PKN2: variants seen among roughly 807,000 people sequenced by gnomAD.
PKN2 encodes protein kinase N2.
A neutral mutation model predicts 119.1 loss-of-function variants in PKN2; 38 were observed. The observed-to-expected ratio is 0.32, with a 90% confidence interval of 0.25 to 0.42. The LOEUF (loss-of-function observed/expected upper bound fraction) is 0.42. PKN2 is among the 10% of genes least tolerant of loss of function. The pLI, the probability that PKN2 is intolerant of heterozygous loss-of-function variation, is 1.00. For missense variants in PKN2, 850 were observed against 1,165.1 expected (o/e 0.73, Z 3.94); for synonymous variants, 390 against 384.9 (o/e 1.01, Z -0.15).
At chr1:88,725,860 G>A (rs1195026027) in intron 1 of PKN2, among the ~76,000 whole-genome samples, 2 of 152,106 alleles carry the variant, frequency 1.3e-5, no homozygotes, top group Admixed American at 6.5e-5. Flanking sequence ...GGAAAACACA[G>A]ATTTTCTCAT....
At chr1:88,794,709 A>G (rs1304173330) in intron 8 of PKN2, among the ~76,000 whole-genome samples, 1 of 152,118 alleles carries the variant, frequency 6.6e-6, no homozygotes, top group Non-Finnish European at 1.5e-5. Flanking sequence ...TTTTATTATC[A>G]CAAAGCTAGA....
chr1:88,804,616 T>A, intron 9 of PKN2, 82 bp downstream of exon 9: 1 of 1,343,768 alleles, frequency 7.4e-7, no homozygotes, highest in Non-Finnish European at 1.1e-6. Flanking sequence ...GTAGAAAGAG[T>A]GTTAGGCTGA....
chr1:88,696,333 T>C (rs1218826829), intron 1 of PKN2, among the ~76,000 whole-genome samples: 1 of 152,190 alleles, frequency 6.6e-6, no homozygotes, highest in Non-Finnish European at 1.5e-5. Context: ...GCTATGGGGT[T>C]GTATCACTTA....
At chr1:88,786,344 T>C (rs1272464927) in intron 8 of PKN2, 131 bp downstream of exon 8, 2 of 544,388 alleles carry the variant, frequency 3.7e-6, no homozygotes, top group Non-Finnish European at 6.5e-6. Flanking sequence ...TTTTTTTACA[T>C]TTCTTATTCA....
intron 1 of PKN2, among the ~76,000 whole-genome samples, chr1:88,715,708 C>T (rs891952199): frequency 7.2e-5 from 11 of 152,036 alleles, no homozygotes; most frequent in African/African-American, 1.2e-4. Context: ...GTCTTGCTAG[C>T]GGTCCATCAA....
At chr1:88,790,550 A>C (rs1245322486) in intron 8 of PKN2, among the ~76,000 whole-genome samples, 3 of 152,154 alleles carry the variant, frequency 2.0e-5, no homozygotes, top group Non-Finnish European at 2.9e-5. Context: ...TTGATTTTTA[A>C]TATTTAATCA....
intron 1 of PKN2, among the ~76,000 whole-genome samples, chr1:88,706,510 T>C (rs552613842): frequency 2.0e-5 from 3 of 152,266 alleles, no homozygotes; most frequent in Admixed American, 6.5e-5. Context: ...TCCAGTACAA[T>C]GTAGAATAGA....
chr1:88,695,479 C>T (rs1253041471), intron 1 of PKN2, among the ~76,000 whole-genome samples: 1 of 151,920 alleles, frequency 6.6e-6, no homozygotes, highest in Non-Finnish European at 1.5e-5. Context: ...AAAGGTCATC[C>T]TTGTCTTAAC....
At chr1:88,831,728 C>T (rs1323331178) in intron 19 of PKN2, among the ~76,000 whole-genome samples, 1 of 151,984 alleles carries the variant, frequency 6.6e-6, no homozygotes, top group African/African-American at 2.4e-5. Context: ...GCAGCCAAAT[C>T]AAATCTAACG....
intron 19 of PKN2, among the ~76,000 whole-genome samples, chr1:88,829,943 A>C (rs1299904269): frequency 6.6e-6 from 1 of 152,192 alleles, no homozygotes; most frequent in Non-Finnish European, 1.5e-5. Context: ...TTGGTATGTC[A>C]ATTTGAAGTG....
intron 1 of PKN2, 117 bp downstream of exon 1, chr1:88,684,745 G>A (rs902514913): frequency 1.5e-4 from 122 of 823,706 alleles, no homozygotes; most frequent in Non-Finnish European, 2.0e-4. Flanking sequence ...CGCTAAGTGC[G>A]GAAACTCCGG....
rs146058385 is a variant in PKN2 at position 88,797,677 on chromosome 1, C to T, written c.1282-6714C>T. The stretch of plus-strand genomic sequence containing the variant: ...AGAGAGAGAATGTCTTCCTTACCTA[C>T]TCTCATCTCGCTCCACACAACTGAA... On this transcript the variant is annotated intron_variant, in intron 8 of 21. Coordinates refer to ENST00000370521, the MANE Select transcript of PKN2 (RefSeq NM_006256.4). Among the ~76,000 whole-genome samples, 90 of 151,864 alleles carry T rather than the reference C, an allele frequency of 5.9e-4. 1 individual carries two copies. Among genetic ancestry groups the T allele is most frequent in the African/African-American group, 1.9e-3 (80 of 41,426 alleles).
chr1:88,760,057 T>G (rs1669379190), intron 2 of PKN2, among the ~76,000 whole-genome samples, 165 bp from the exon 3 acceptor site: 1 of 152,004 alleles, frequency 6.6e-6, no homozygotes, highest in Admixed American at 6.6e-5. Context: ...TTTTTTTTTT[T>G]TTTGCATGAA....
At chr1:88,813,825 C>T in intron 16 of PKN2, 92 bp downstream of exon 16, 1 of 1,098,074 alleles carries the variant, frequency 9.1e-7, no homozygotes, top group East Asian at 2.7e-5. Context: ...GATTTTTTTT[C>T]CTAACAGAAA....
intron 3 of PKN2, among the ~76,000 whole-genome samples, chr1:88,765,819 A>G (rs777051027): frequency 2.6e-5 from 4 of 152,160 alleles, no homozygotes; most frequent in Admixed American, 6.5e-5. Flanking sequence ...TTTTGGAGAC[A>G]GGGTCTCACT....
chr1:88,820,329 G>T (rs963010881), intron 16 of PKN2, among the ~76,000 whole-genome samples: 9 of 149,324 alleles, frequency 6.0e-5, no homozygotes, highest in Non-Finnish European at 1.2e-4. Context: ...GAGGTCGGAA[G>T]TTCGAGACCA....
chr1:88,784,654 G>T lies in PKN2; in HGVS notation c.1001G>T (p.Arg334Leu). ...TTGCCAACAGGTACTTTGGAAGTTCGTCTTATGGGCTGCCAAGATATCCTA... is the reference window on the plus strand; with the variant it reads ...TTGCCAACAGGTACTTTGGAAGTTCTTCTTATGGGCTGCCAAGATATCCTA... ...PAALTGTLEVRLMGCQDILEN... is the reference protein window; with the variant it reads ...PAALTGTLEVLLMGCQDILEN... Residue 334 changes from arginine to leucine, a missense_variant, in exon 7 of 22, where the codon CGT (arginine) becomes CTT (leucine). Arg to Leu is a moderately radical substitution (Grantham distance 102). This residue lies in a region of PKN2 where 350 missense variants were observed against 511.1 expected (regional missense o/e 0.68). Coordinates refer to ENST00000370521, the MANE Select transcript of PKN2 (RefSeq NM_006256.4). 1 of 1,575,546 alleles carries T rather than the reference G, an allele frequency of 6.3e-7. No individual in the cohort carries two copies. The highest frequency in any genetic ancestry group is 1.2e-5 in the South Asian group (1 of 85,256).
chr1:88,765,282 CAAAA>C (rs60307008), intron 3 of PKN2, among the ~76,000 whole-genome samples: 1 of 128,272 alleles, frequency 7.8e-6, no homozygotes. Context: ...GACTTCATCT[CAAAA>C]AAAAAAAAAA....
intron 1 of PKN2, among the ~76,000 whole-genome samples, chr1:88,736,157 T>C (rs1668338612): frequency 6.6e-6 from 1 of 152,184 alleles, no homozygotes; most frequent in Non-Finnish European, 1.5e-5. Context: ...ATTTTTCAGC[T>C]CCAGGATTTC....
Sources: allele counts gnomAD v4.1 joint callset (sites outside exome capture counted in the v4.1 genomes callset), GRCh38; gene constraint gnomAD v4.1.1; regional missense constraint gnomAD v4.1.1; transcripts MANE v1.5; gene names NCBI Gene and HGNC (gene_info 2026-07-23, HGNC 2026-07-21).